FILIP1: variants seen among roughly 807,000 people sequenced by gnomAD.
The protein encoded by FILIP1 is filamin A interacting protein 1, also known as filamin-A-interacting protein 1.
Under a neutral mutation model 102.1 loss-of-function variants are expected in FILIP1, and 61 were observed. The observed-to-expected ratio is 0.60, with a 90% CI of 0.49 to 0.74. The LOEUF is 0.74. Among genes scored for constraint, FILIP1 ranks in the 30% least tolerant of loss-of-function variants. The pLI is 0.00. For missense variants in FILIP1, 1,314 were observed against 1,441.2 expected (o/e 0.91, Z 1.43); for synonymous variants, 491 against 526.9 (o/e 0.93, Z 0.93).
At chr6:75,402,422 G>C (rs964385553) in intron 2 of FILIP1, among the ~76,000 whole-genome samples, 2 of 152,176 alleles carry the variant, frequency 1.3e-5, no homozygotes, top group African/African-American at 4.8e-5. Flanking sequence ...TTGATGGTGT[G>C]AGGTTTCACT....
intron 4 of FILIP1, among the ~76,000 whole-genome samples, chr6:75,351,257 T>G (rs975257763): frequency 6.6e-6 from 1 of 152,120 alleles, no homozygotes; most frequent in Non-Finnish European, 1.5e-5. Context: ...AGAGACAGGT[T>G]TCACCATGTT....
intron 1 of FILIP1, among the ~76,000 whole-genome samples, chr6:75,476,792 T>C (rs898035093): frequency 6.6e-6 from 1 of 152,192 alleles, no homozygotes; most frequent in African/African-American, 2.4e-5. Context: ...CTATTCCTCC[T>C]AACAGCACCA....
chr6:75,388,595 C>T (rs1776177473), intron 2 of FILIP1, among the ~76,000 whole-genome samples: 1 of 152,134 alleles, frequency 6.6e-6, no homozygotes, highest in South Asian at 2.1e-4. Context: ...AGGTCCTTCA[C>T]ATTTCTTGTA....
Position 75,313,139 on chromosome 6 carries a change from C to T in FILIP1, c.2693G>A (p.Gly898Glu). ...CTGCTTTGGTGAAAGGACTACCTCTCCTGGGTGCCCTGGACTGGAATTTGT... is the reference window on the plus strand; with the variant it reads ...CTGCTTTGGTGAAAGGACTACCTCTTCTGGGTGCCCTGGACTGGAATTTGT... ...PRTNSSPGHP[G>E]EVVLSPKQGQ... The change falls in exon 5 of 6, where the codon GGA (glycine) becomes GAA (glutamate). Residue 898 changes from glycine (G) to glutamate (E), a missense_variant. Gly to Glu is a moderately conservative substitution (Grantham distance 98, BLOSUM62 -2). This residue lies in a region of FILIP1 where 816 missense variants were observed against 913.1 expected (regional missense o/e 0.89). Transcript: ENST00000237172. The surrounding 1 kb of genome is among the most constrained non-coding windows in gnomAD (Gnocchi z 4.2). 4 of 1,614,148 alleles carry T rather than the reference C, an allele frequency of 2.5e-6. No individual in the cohort carries two copies. Among genetic ancestry groups the T allele is most frequent in the Non-Finnish European group, 3.4e-6 (4 of 1,180,020 alleles).
At chr6:75,294,453 T>C (rs1045090570) in exon 7 of FILIP1, 1 of 151,758 alleles carries the variant, frequency 6.6e-6, no homozygotes, top group Non-Finnish European at 1.5e-5. Context: ...AAAAAAAAAG[T>C]ATATTACCAG....
chr6:75,315,323 A>G (rs1773406807), intron 4 of FILIP1, 121 bp from the exon 5 acceptor site: 9 of 637,780 alleles, frequency 1.4e-5, no homozygotes, highest in East Asian at 1.2e-4. Context: ...TATAATTTCA[A>G]TGTTTAAAGA....
intron 1 of FILIP1, among the ~76,000 whole-genome samples, chr6:75,437,639 T>C (rs1000048913): frequency 6.6e-6 from 1 of 152,242 alleles, no homozygotes; most frequent in Non-Finnish European, 1.5e-5. Flanking sequence ...AAACAAATGG[T>C]GACCTTGAAG....
chr6:75,357,181 A>G (rs2149606502), intron 3 of FILIP1: 1 of 152,334 alleles, frequency 6.6e-6, no homozygotes, highest in East Asian at 1.9e-4. Context: ...TCATACAATG[A>G]TACATTGTGA....
intron 6 of FILIP1, among the ~76,000 whole-genome samples, chr6:75,298,788 T>C (rs1484950257): frequency 2.0e-5 from 3 of 151,912 alleles, no homozygotes; most frequent in Non-Finnish European, 4.4e-5. Context: ...CGTGGTGGTG[T>C]GCACCTGTAA....
chr6:75,342,995 G>A (rs996180307), intron 4 of FILIP1, among the ~76,000 whole-genome samples: 2 of 152,170 alleles, frequency 1.3e-5, no homozygotes, highest in Non-Finnish European at 2.9e-5. Context: ...AAATCCATAT[G>A]CTGAAGCCCT....
chr6:75,353,716 A>G lies in FILIP1; in HGVS notation c.452T>C (p.Leu151Pro). The G allele has an allele frequency of 6.2e-7, 1 of 1,612,544 alleles. No individual in the cohort carries two copies. The highest frequency in any genetic ancestry group is 2.2e-5 in the East Asian group (1 of 44,888). The change falls in exon 4 of 6, where the codon CTG becomes CCG. Residue 151 changes from leucine (L) to proline (P), a missense_variant and splice_region_variant. By Grantham distance (98) the Leu-to-Pro change is moderately conservative. Around this residue, in one of 3 missense-constraint regions of FILIP1, gnomAD observed 494 missense variants for 511.2 expected, o/e 0.97. Coordinates refer to ENST00000237172, the MANE Select transcript of FILIP1 (RefSeq NM_015687.5). ...TTTCTGTTTTTCCTCAAGTCTGTCC[A>G]GCTGAATAAGCAAACATGGGAAAGG... ...EDVYEKPISE[L>P]DRLEEKQKET...
At chr6:75,416,056 T>C (rs1181211360) in intron 1 of FILIP1, among the ~76,000 whole-genome samples, 2 of 152,138 alleles carry the variant, frequency 1.3e-5, no homozygotes, top group African/African-American at 4.8e-5. Context: ...ACAGTATAAA[T>C]AGCCCTTACC....
At chr6:75,350,290 A>C (rs1774749201) in intron 4 of FILIP1, among the ~76,000 whole-genome samples, 1 of 152,182 alleles carries the variant, frequency 6.6e-6, no homozygotes, top group Admixed American at 6.5e-5. Flanking sequence ...AAATTAAGTG[A>C]GAGTCAAAGG....
intron 2 of FILIP1, among the ~76,000 whole-genome samples, chr6:75,391,090 G>A (rs1278099552): frequency 6.6e-6 from 1 of 151,960 alleles, no homozygotes; most frequent in Non-Finnish European, 1.5e-5. Flanking sequence ...TCCCTCTAGA[G>A]CTCAAAATCC....
At chr6:75,410,273 GA>G (rs1415385088) in intron 2 of FILIP1, among the ~76,000 whole-genome samples, 5 of 152,104 alleles carry the variant, frequency 3.3e-5, no homozygotes, top group Non-Finnish European at 5.9e-5. Flanking sequence ...TCTAAGCTGA[GA>G]GTAACTTATC....
At chr6:75,390,176 T>C (rs887839336) in intron 2 of FILIP1, among the ~76,000 whole-genome samples, 2 of 152,142 alleles carry the variant, frequency 1.3e-5, no homozygotes, top group Non-Finnish European at 2.9e-5. Context: ...CAGAAGCAGA[T>C]AATTTCTATC....
chr6:75,362,302 T>A (rs1046788398), intron 3 of FILIP1, among the ~76,000 whole-genome samples: 4 of 152,270 alleles, frequency 2.6e-5, no homozygotes, highest in African/African-American at 4.8e-5. Context: ...TCACATTAGA[T>A]CATTTTCATT....
intron 2 of FILIP1, among the ~76,000 whole-genome samples, chr6:75,403,932 C>G (rs2149674892): frequency 6.6e-6 from 1 of 152,304 alleles, no homozygotes; most frequent in African/African-American, 2.4e-5. Flanking sequence ...ATGACACAGA[C>G]TTGCACTCCA....
In FILIP1 at chr6:75,379,404, C is replaced by G. The variant is rs148939957; in HGVS notation, c.277-16487G>C. On this transcript the variant is annotated intron_variant, in intron 2 of 5. Transcript: ENST00000237172. ...TGCTTTACACAGAAGCTAAAGATGC[C>G]TAATGGAGACAGAAAAAGACAGAGA... Among the ~76,000 whole-genome samples, 1,096 of 152,188 alleles carry G rather than the reference C, an allele frequency of 7.2e-3. 11 individuals carry two copies. The highest frequency in any genetic ancestry group is 0.025 in the African/African-American group (1,056 of 41,506).
Sources: gnomAD v4.1 joint callset for allele counts (sites outside exome capture counted in the v4.1 genomes callset) on GRCh38, gnomAD v4.1.1 for gene constraint, gnomAD v4.1.1 regional missense constraint, Gnocchi (gnomAD v3.1) non-coding constraint, MANE v1.5 for transcripts, NCBI Gene and HGNC (gene_info 2026-07-23, HGNC 2026-07-21) for gene names.